KCTD1: variants seen among roughly 807,000 people sequenced by gnomAD.
The protein encoded by KCTD1 is BTB/POZ domain-containing protein KCTD1.
KCTD1 carries 24 observed loss-of-function variants against 66.0 expected under a neutral mutation model. The ratio of observed to expected loss-of-function variants is 0.36; its 90% CI spans 0.26 to 0.51. The LOEUF is 0.51. Ranked by LOEUF, KCTD1 falls within the 20% of genes least tolerant of loss-of-function variation. The probability of loss-of-function intolerance (pLI) is 0.95; values close to 1 mark genes in which losing one functional copy is unlikely to be tolerated. For synonymous variants in KCTD1, 511 were observed against 517.2 expected (o/e 0.99, Z 0.16); for missense variants, 943 against 1,205.2 (o/e 0.78, Z 3.22).
At chr18:26,482,464 G>A (rs1166951905) in intron 2 of KCTD1, among the ~76,000 whole-genome samples, 1 of 151,806 alleles carries the variant, frequency 6.6e-6, no homozygotes, top group Non-Finnish European at 1.5e-5. Flanking sequence ...TACACATGAG[G>A]TTTCATCTCC....
At chr18:26,603,758 AT>A (rs1986952294) in intron 1 of KCTD1, among the ~76,000 whole-genome samples, 1 of 71,144 alleles carries the variant, frequency 1.4e-5, no homozygotes, top group Admixed American at 1.5e-4. Flanking sequence ...AATAAAATAA[AT>A]AAATAAATAA....
rs4059262 is a variant in KCTD1 at position 26,546,225 on chromosome 18, T to TAAAAA, written c.1809+498_1809+502dup. ...CTCTCCACTCTCCACCCCTTTTCTT[T>TAAAAA]AAAAAAAAAAAAAAAAGCTACAGGA... On this transcript the variant is annotated intron_variant, in intron 1 of 4. Coordinates refer to ENST00000580059, the MANE Select transcript of KCTD1 (RefSeq NM_001142730.3). 8.9e-4 allele frequency among the ~76,000 whole-genome samples: 126 copies of TAAAAA among 142,122 alleles called. 1 individual carries two copies. The East Asian group carries it at 0.018, about 20-fold the overall frequency. The allele number at this position is 142,122 out of a possible 152,430, so 93.2% of individuals were successfully genotyped here.
At chr18:26,638,163 G>A (rs1421719182) in intron 1 of KCTD1, among the ~76,000 whole-genome samples, 2 of 152,168 alleles carry the variant, frequency 1.3e-5, no homozygotes, top group Admixed American at 1.3e-4. Context: ...AAGCACCGCA[G>A]CTTGTTATGT....
chr18:26,527,227 A>G (rs1323203018), intron 1 of KCTD1, among the ~76,000 whole-genome samples: 4 of 152,276 alleles, frequency 2.6e-5, no homozygotes, highest in Admixed American at 2.0e-4. Flanking sequence ...GAGGGAAAAA[A>G]GCTTCTGCTG....
intron 1 of KCTD1, among the ~76,000 whole-genome samples, chr18:26,587,677 A>G (rs1044935384): frequency 1.3e-5 from 2 of 152,172 alleles, no homozygotes; most frequent in African/African-American, 4.8e-5. Context: ...CATTAATAGG[A>G]GTTTGGAGGA....
At chr18:26,567,460 CTAGAAATGCTGTTGTTCTGT>C (rs1986006534) in intron 1 of KCTD1, among the ~76,000 whole-genome samples, 1 of 147,640 alleles carries the variant, frequency 6.8e-6, no homozygotes, top group Non-Finnish European at 1.5e-5. Flanking sequence ...TGCTGTTGTT[CTAGAAATGCTGTTGTTCTGT>C]TGTTGTTGTT....
chr18:26,574,323 C>T (rs1986175941), intron 1 of KCTD1, among the ~76,000 whole-genome samples: 1 of 152,074 alleles, frequency 6.6e-6, no homozygotes, highest in East Asian at 1.9e-4. Context: ...AAATATTAGC[C>T]CTCCGTGCAT....
chr18:26,500,999 A>G (rs962356137), intron 2 of KCTD1, 73 bp downstream of exon 2: 3 of 1,539,334 alleles, frequency 1.9e-6, no homozygotes, highest in African/African-American at 2.7e-5. Flanking sequence ...CTACACTGCT[A>G]TGCTGGTCAA....
upstream of KCTD1, chr18:26,548,618 C>T (rs1985397964): frequency 1.7e-6 from 2 of 1,170,822 alleles, no homozygotes; most frequent in Non-Finnish European, 2.1e-6. Flanking sequence ...TGTTTAATGA[C>T]CTTCAGCTAC....
chr18:26,628,711 A>C (rs1374634942), intron 1 of KCTD1, among the ~76,000 whole-genome samples: 3 of 152,180 alleles, frequency 2.0e-5, no homozygotes, highest in Non-Finnish European at 4.4e-5. Context: ...AGGCTGAGAG[A>C]CAGCATTAGA....
intron 1 of KCTD1, among the ~76,000 whole-genome samples, chr18:26,582,229 T>G (rs1213249050): frequency 1.3e-5 from 2 of 150,636 alleles, no homozygotes; most frequent in African/African-American, 4.9e-5. Flanking sequence ...GCCAAGACCG[T>G]GCCACTGCAC....
At chr18:26,649,257 T>C (rs1490523527) in intron 1 of KCTD1, among the ~76,000 whole-genome samples, 1 of 152,196 alleles carries the variant, frequency 6.6e-6, no homozygotes, top group African/African-American at 2.4e-5. Flanking sequence ...ACCCAGAGCA[T>C]GGTAGACGCT....
chr18:26,521,877 G>A (rs1983930043), intron 1 of KCTD1, among the ~76,000 whole-genome samples: 1 of 152,120 alleles, frequency 6.6e-6, no homozygotes, highest in Admixed American at 6.5e-5. Flanking sequence ...GACGAAAACG[G>A]TCTATACCTT....
chr18:26,456,333 T>TAAAG (rs906768595), intron 4 of KCTD1: 1 of 153,692 alleles, frequency 6.5e-6, no homozygotes, highest in African/African-American at 2.4e-5. Flanking sequence ...TATGAGATGA[T>TAAAG]AAAGAATCTG....
intron 1 of KCTD1, among the ~76,000 whole-genome samples, chr18:26,619,802 G>T (rs992250945): frequency 2.6e-5 from 4 of 152,202 alleles, no homozygotes; most frequent in African/African-American, 7.2e-5. Flanking sequence ...GAGATGAAGA[G>T]CTCACTTATT....
intron 1 of KCTD1, among the ~76,000 whole-genome samples, chr18:26,553,626 C>G (rs567678785): frequency 1.3e-5 from 2 of 152,138 alleles, no homozygotes; most frequent in Admixed American, 6.5e-5. Flanking sequence ...TGGCTCAGTT[C>G]TCTCATTTTA....
At chr18:26,656,521 G>A (rs1214761337) in intron 1 of KCTD1, among the ~76,000 whole-genome samples, 1 of 151,986 alleles carries the variant, frequency 6.6e-6, no homozygotes, top group Non-Finnish European at 1.5e-5. Context: ...CGGAGGCGGC[G>A]AATCTGGACC....
At chr18:26,639,050 G>A (rs1312793713) in intron 1 of KCTD1, among the ~76,000 whole-genome samples, 4 of 152,198 alleles carry the variant, frequency 2.6e-5, no homozygotes, top group East Asian at 1.9e-4. Context: ...GGGAGCTCTC[G>A]GTCTTGGTGA....
intron 1 of KCTD1, among the ~76,000 whole-genome samples, chr18:26,609,741 C>A (rs1175694814): frequency 1.3e-5 from 2 of 152,162 alleles, no homozygotes; most frequent in Non-Finnish European, 2.9e-5. Context: ...GAAACTACAG[C>A]CTTCAAATTC....
Sources: gnomAD v4.1 joint callset for allele counts (sites outside exome capture counted in the v4.1 genomes callset) on GRCh38, gnomAD v4.1.1 for gene constraint, MANE v1.5 for transcripts, NCBI Gene and HGNC (gene_info 2026-07-23, HGNC 2026-07-21) for gene names.